Variants in DOCK1 observed in about 807,000 individuals in gnomAD.
DOCK1 encodes the protein dedicator of cytokinesis 1.
A neutral mutation model predicts 262.7 loss-of-function variants in DOCK1; 138 were observed. The observed-to-expected ratio is 0.53, with a 90% CI of 0.46 to 0.61. DOCK1 has a LOEUF of 0.61. Ranked by LOEUF, DOCK1 falls within the 20% of genes least tolerant of loss-of-function variation. The probability of loss-of-function intolerance (pLI) is 0.00; values close to 1 mark genes in which losing one functional copy is unlikely to be tolerated. For synonymous variants in DOCK1, 866 were observed against 867.4 expected (o/e 1.00, Z 0.03); for missense variants, 1,908 against 2,370.7 (o/e 0.80, Z 4.05).
At chr10:127,051,338 T>C (rs1222362238) in intron 21 of DOCK1, among the ~76,000 whole-genome samples, 1 of 152,160 alleles carries the variant, frequency 6.6e-6, no homozygotes, top group Non-Finnish European at 1.5e-5. Flanking sequence ...TTCTTACTAT[T>C]CTTATATATT....
At chr10:127,037,518 T>C (rs1212540708) in intron 18 of DOCK1, among the ~76,000 whole-genome samples, 8 of 152,214 alleles carry the variant, frequency 5.3e-5, no homozygotes, top group Admixed American at 2.0e-4. Context: ...GTAAATGTCG[T>C]TGGGAATAAT....
rs1444966528 is a variant in DOCK1, at chr10:127,451,805, A to G, written c.*378A>G. The G allele has an allele frequency of 7.2e-6, 2 of 279,662 alleles. No individual in the cohort carries two copies. The highest frequency in any genetic ancestry group is 2.2e-4 in the East Asian group (2 of 8,964). The allele number at this position is 279,662 out of a possible 1,614,324, so 17.3% of individuals were successfully genotyped here. On this transcript the variant is annotated 3_prime_UTR_variant, in exon 52 of 52. Transcript: ENST00000623213. ...GCCAAGTAGGAGAGGCTAGGCCATC[A>G]CTCTTAGGAAGCTGTGTAGTGATGA...
At chr10:127,107,896 G>A (rs987992257) in intron 24 of DOCK1, among the ~76,000 whole-genome samples, 1 of 152,178 alleles carries the variant, frequency 6.6e-6, no homozygotes, top group Non-Finnish European at 1.5e-5. Flanking sequence ...GAGGGGTATC[G>A]TCGATACTCT....
At chr10:127,355,088 A>G (rs988943449) in intron 32 of DOCK1, among the ~76,000 whole-genome samples, 6 of 151,640 alleles carry the variant, frequency 4.0e-5, no homozygotes, top group African/African-American at 7.3e-5. Flanking sequence ...ATCACTTACC[A>G]TATTCAGTTT....
At chr10:127,110,739 T>C (rs2048815993) in intron 25 of DOCK1, among the ~76,000 whole-genome samples, 1 of 152,236 alleles carries the variant, frequency 6.6e-6, no homozygotes, top group African/African-American at 2.4e-5. Flanking sequence ...TTTATCTTAT[T>C]CTGAACTTTG....
intron 23 of DOCK1, among the ~76,000 whole-genome samples, chr10:127,063,157 G>C (rs1373517070): frequency 6.6e-6 from 1 of 152,228 alleles, no homozygotes; most frequent in Admixed American, 6.5e-5. Context: ...CAAATGATTA[G>C]CTTACATCTT....
At chr10:127,345,114 T>A (rs546085614) in intron 31 of DOCK1, among the ~76,000 whole-genome samples, 2 of 152,288 alleles carry the variant, frequency 1.3e-5, no homozygotes, top group East Asian at 3.9e-4. Context: ...TATCTCAGTT[T>A]GTGTAAGTTC....
intron 1 of DOCK1, among the ~76,000 whole-genome samples, chr10:126,921,280 T>C (rs1229877226): frequency 6.6e-6 from 1 of 151,248 alleles, no homozygotes; most frequent in Non-Finnish European, 1.5e-5. Context: ...ACTTAAAAGG[T>C]GGAAACAATT....
intron 23 of DOCK1, among the ~76,000 whole-genome samples, chr10:127,102,138 C>T (rs1207616000): frequency 1.3e-5 from 2 of 152,124 alleles, no homozygotes; most frequent in African/African-American, 4.8e-5. Flanking sequence ...GCTAAAGTTG[C>T]TTTATCCTCT....
chr10:127,348,635 C>CG (rs5788836), intron 31 of DOCK1, among the ~76,000 whole-genome samples: 98,582 of 151,830 alleles, frequency 0.65, 32,579 homozygotes, highest in Middle Eastern at 0.77. Flanking sequence ...TCAGTTTTGG[C>CG]GGGGTGGGTG....
chr10:127,015,117 G>C (rs9418694), intron 12 of DOCK1: 22,262 of 151,408 alleles, frequency 0.15, 1,929 homozygotes, highest in South Asian at 0.23. Flanking sequence ...TCTATTGGTG[G>C]TTCTTCCTTC....
At chr10:127,157,577 A>G (rs1355944092) in intron 27 of DOCK1, among the ~76,000 whole-genome samples, 5 of 152,176 alleles carry the variant, frequency 3.3e-5, no homozygotes, top group East Asian at 3.8e-4. Flanking sequence ...CAATTCACCA[A>G]TTCCTGAGAA....
At chr10:127,109,787 T>A (rs979041242) in intron 24 of DOCK1, among the ~76,000 whole-genome samples, 3 of 152,242 alleles carry the variant, frequency 2.0e-5, no homozygotes, top group African/African-American at 7.2e-5. Context: ...GTGTTTTTTT[T>A]ACTTTTTCAG....
intron 29 of DOCK1, among the ~76,000 whole-genome samples, chr10:127,278,305 C>T (rs762279449): frequency 2.4e-4 from 37 of 151,434 alleles, no homozygotes; most frequent in African/African-American, 8.5e-4. Context: ...CGTTAGCATG[C>T]GGTACAGTAA....
intron 40 of DOCK1, among the ~76,000 whole-genome samples, chr10:127,404,882 G>A (rs1309041683): frequency 3.9e-5 from 6 of 152,264 alleles, no homozygotes; most frequent in Middle Eastern, 3.4e-3. Context: ...AGCAGCCACC[G>A]TTCTACTTTG....
intron 27 of DOCK1, among the ~76,000 whole-genome samples, chr10:127,172,001 G>A (rs1564865187): frequency 6.6e-6 from 1 of 152,148 alleles, no homozygotes; most frequent in South Asian, 2.1e-4. Flanking sequence ...CACCGTGCCC[G>A]GCCTCCACTG....
At chr10:127,306,744 A>C (rs1248660970) in intron 29 of DOCK1, among the ~76,000 whole-genome samples, 1 of 152,120 alleles carries the variant, frequency 6.6e-6, no homozygotes. Flanking sequence ...GGGACTTTAA[A>C]ATTTATCTCT....
intron 21 of DOCK1, among the ~76,000 whole-genome samples, chr10:127,050,510 A>C (rs2044651511): frequency 6.6e-6 from 1 of 151,706 alleles, no homozygotes; most frequent in African/African-American, 2.4e-5. Context: ...CAGGAGTTCG[A>C]GACCAGCCTG....
intron 23 of DOCK1, among the ~76,000 whole-genome samples, chr10:127,075,921 A>T (rs2046505813): frequency 6.6e-6 from 1 of 152,110 alleles, no homozygotes; most frequent in Non-Finnish European, 1.5e-5. Flanking sequence ...ATTATTTACC[A>T]GTGTTTGAGA....
Sources: gnomAD v4.1 joint callset for allele counts (sites outside exome capture counted in the v4.1 genomes callset) on GRCh38, gnomAD v4.1.1 for gene constraint, MANE v1.5 for transcripts, NCBI Gene and HGNC (gene_info 2026-07-23, HGNC 2026-07-21) for gene names.